The following SAMSN1 variants were observed in gnomAD, a reference collection of about 807,000 sequenced individuals.
SAMSN1 encodes the protein SAM domain, SH3 domain and nuclear localization signals 1.
SAMSN1 carries 31 observed loss-of-function variants against 42.0 expected under a neutral mutation model. The observed-to-expected ratio is 0.74, with a 90% CI of 0.55 to 1.00. The LOEUF is 1.00. SAMSN1 is among the 50% of genes least tolerant of loss of function. The pLI is 0.00. For synonymous variants in SAMSN1, 178 were observed against 151.9 expected (o/e 1.17, Z -1.26); for missense variants, 464 against 439.4 (o/e 1.06, Z -0.50).
At chr21:14,568,510 C>A (rs933088300) in intron 2 of SAMSN1, among the ~76,000 whole-genome samples, 7 of 152,156 alleles carry the variant, frequency 4.6e-5, no homozygotes, top group Admixed American at 2.0e-4. Context: ...GGTCTTCCCC[C>A]CAGTGATGGC....
chr21:14,621,213 C>G (rs1003391451), intron 2 of SAMSN1, among the ~76,000 whole-genome samples: 1 of 152,200 alleles, frequency 6.6e-6, no homozygotes, highest in African/African-American at 2.4e-5. Flanking sequence ...CAGCTCCAGT[C>G]TACAGCTCCC....
chr21:14,629,319 GC>G (rs1262146680), intron 2 of SAMSN1, among the ~76,000 whole-genome samples: 31 of 152,120 alleles, frequency 2.0e-4, no homozygotes, highest in Admixed American at 1.8e-3. Context: ...ATCAAAGAAT[GC>G]CCAGCAATTT....
At chr21:14,651,631 C>A (rs466247) in intron 1 of SAMSN1, among the ~76,000 whole-genome samples, 116,624 of 151,836 alleles carry the variant, frequency 0.77, 45,298 homozygotes, top group Middle Eastern at 0.89. Context: ...TGGAATATAA[C>A]CTGGCTCACC....
chr21:14,567,931 TC>T (rs1327225517), intron 2 of SAMSN1, among the ~76,000 whole-genome samples: 2 of 152,032 alleles, frequency 1.3e-5, no homozygotes, highest in African/African-American at 4.8e-5. Context: ...CAAAAAGACT[TC>T]TTGGATAGGT....
chr21:14,509,914 C>T (rs895802994), intron 5 of SAMSN1, among the ~76,000 whole-genome samples: 3 of 151,950 alleles, frequency 2.0e-5, no homozygotes, highest in Non-Finnish European at 2.9e-5. Context: ...CCGAGGCGGG[C>T]GGATCACGAG....
chr21:14,640,528 A>T (rs961038021), intron 2 of SAMSN1, among the ~76,000 whole-genome samples: 1 of 152,028 alleles, frequency 6.6e-6, no homozygotes, highest in Non-Finnish European at 1.5e-5. Context: ...TTACATCAAG[A>T]TGGGGGAAGG....
chr21:14,596,628 G>A (rs545641733), intron 6 of SAMSN1, among the ~76,000 whole-genome samples: 4 of 152,194 alleles, frequency 2.6e-5, no homozygotes, highest in African/African-American at 9.6e-5. Context: ...TACTCACTCT[G>A]GGGAAACCAG....
At chr21:14,521,319 C>G in intron 1 of SAMSN1, 98 bp from the exon 2 acceptor site, 1 of 734,554 alleles carries the variant, frequency 1.4e-6, no homozygotes, top group Non-Finnish European at 2.2e-6. Flanking sequence ...AGCACCGTCT[C>G]TTGCAAATAC....
intron 1 of SAMSN1, among the ~76,000 whole-genome samples, chr21:14,527,581 T>G (rs1407278833): frequency 1.3e-5 from 2 of 152,170 alleles, no homozygotes; most frequent in Non-Finnish European, 2.9e-5. Flanking sequence ...GTTCAGTAAC[T>G]TTTCTATCAA....
intron 4 of SAMSN1, among the ~76,000 whole-genome samples, chr21:14,612,283 C>T (rs1229590929): frequency 1.3e-5 from 2 of 152,066 alleles, no homozygotes; most frequent in Non-Finnish European, 2.9e-5. Flanking sequence ...AGATGTTTCA[C>T]ATTGTGAATG....
Position 14,486,067 on chromosome 21 carries a change from C to T in SAMSN1, c.967G>A (p.Asp323Asn). 6.2e-7 allele frequency: 1 copy of T among 1,613,654 alleles called. No homozygotes were observed. Among genetic ancestry groups the T allele is most frequent in the Non-Finnish European group, 8.5e-7 (1 of 1,179,748 alleles). ...NEPEPLSLSSDISLNKSQLDD... is the reference protein window; with the variant it reads ...NEPEPLSLSSNISLNKSQLDD... Reference sequence around the variant, plus strand: ...AACTGTGACTTATTTAAGGAGATGTCTGAGCTCAAGGATAGGGGCTCAGGT... The same window carrying T: ...AACTGTGACTTATTTAAGGAGATGTTTGAGCTCAAGGATAGGGGCTCAGGT... The change falls in exon 8 of 8, where the codon GAC (aspartate) becomes AAC (asparagine). Residue 323 changes from aspartate (D) to asparagine (N), a missense_variant. Physicochemically the swap from Asp to Asn is conservative, Grantham distance 23. Coordinates refer to ENST00000400566, the MANE Select transcript of SAMSN1 (RefSeq NM_022136.5).
chr21:14,568,144 A>C (rs1042168165), intron 2 of SAMSN1, among the ~76,000 whole-genome samples: 12 of 152,230 alleles, frequency 7.9e-5, no homozygotes, highest in African/African-American at 2.7e-4. Flanking sequence ...TTTAGAACAT[A>C]GTATTCTATC....
At chr21:14,567,886 T>A (rs571435151) in intron 2 of SAMSN1, among the ~76,000 whole-genome samples, 43 of 152,290 alleles carry the variant, frequency 2.8e-4, no homozygotes, top group African/African-American at 9.9e-4. Flanking sequence ...CTGGATTTAA[T>A]AACTTGTGAA....
At chr21:14,512,257 G>A (rs1454235993) in intron 4 of SAMSN1, among the ~76,000 whole-genome samples, 187 bp downstream of exon 4, 1 of 152,144 alleles carries the variant, frequency 6.6e-6, no homozygotes, top group African/African-American at 2.4e-5. Context: ...CACACTATAT[G>A]ACTGTGTCAA....
intron 2 of SAMSN1, chr21:14,642,981 T>C (rs750917194): frequency 1.4e-6 from 1 of 715,732 alleles, no homozygotes; most frequent in Non-Finnish European, 2.6e-6. Flanking sequence ...AAAAATCCAC[T>C]CCAGTCAATG....
At chr21:14,622,618 T>A (rs1983044678) in intron 2 of SAMSN1, among the ~76,000 whole-genome samples, 2 of 152,174 alleles carry the variant, frequency 1.3e-5, no homozygotes, top group South Asian at 2.1e-4. Context: ...TATGGGACTA[T>A]GTGAAAAGAC....
chr21:14,500,803 A>G lies in SAMSN1; in HGVS notation c.562-68T>C, dbSNP rs1393744784. The G allele has an allele frequency of 5.8e-6, 7 of 1,199,282 alleles. No homozygotes were observed. In the East Asian group the frequency reaches 1.4e-4, roughly 24 times the overall value. The allele number at this position is 1,199,282 out of a possible 1,614,324, so 74.3% of individuals were successfully genotyped here. ...TCACTGATAGAAAGAATGAAATCAT[A>G]GAAAACTAGAATAATGAGGACATTA... On this transcript the variant is annotated intron_variant, in intron 5 of 7. Transcript: ENST00000400566.
chr21:14,596,666 C>T (rs1202882900), intron 6 of SAMSN1, among the ~76,000 whole-genome samples: 1 of 152,178 alleles, frequency 6.6e-6, no homozygotes, highest in Non-Finnish European at 1.5e-5. Context: ...CACTCAGCCT[C>T]ATGGATAGAC....
At chr21:14,568,294 C>G (rs1404637675) in intron 2 of SAMSN1, among the ~76,000 whole-genome samples, 2 of 152,180 alleles carry the variant, frequency 1.3e-5, no homozygotes. Flanking sequence ...ATATCCCCCT[C>G]ATAAATAGAA....
Sources: gnomAD v4.1 joint callset for allele counts (sites outside exome capture counted in the v4.1 genomes callset) on GRCh38, gnomAD v4.1.1 for gene constraint, MANE v1.5 for transcripts, NCBI Gene and HGNC (gene_info 2026-07-23, HGNC 2026-07-21) for gene names.